The following SULF1 variants were observed in gnomAD, a reference collection of about 807,000 sequenced individuals.
SULF1 encodes the protein extracellular sulfatase Sulf-1.
A neutral mutation model predicts 110.5 loss-of-function variants in SULF1; 46 were observed. That is an observed-to-expected ratio of 0.42 (90% CI 0.33 to 0.53). The LOEUF is 0.53. Ranked by LOEUF, SULF1 falls within the 20% of genes least tolerant of loss-of-function variation. The pLI is 0.12. For synonymous variants in SULF1, 371 were observed against 387.1 expected (o/e 0.96, Z 0.49); for missense variants, 941 against 1,094.2 (o/e 0.86, Z 1.98).
chr8:69,637,470 A>G (rs1274644241), intron 19 of SULF1: 5 of 158,028 alleles, frequency 3.2e-5, no homozygotes. Flanking sequence ...CACCATTTCC[A>G]TAGTCTAAAA....
At chr8:69,651,930 G>C (rs1268635090) in intron 22 of SULF1, among the ~76,000 whole-genome samples, 1 of 151,950 alleles carries the variant, frequency 6.6e-6, no homozygotes, top group East Asian at 1.9e-4. Flanking sequence ...TGTTTCTAGG[G>C]GTCAGAAATT....
intron 3 of SULF1, among the ~76,000 whole-genome samples, chr8:69,509,937 A>T (rs573761844): frequency 6.6e-6 from 1 of 152,160 alleles, no homozygotes; most frequent in African/African-American, 2.4e-5. Context: ...AAATATTAAG[A>T]CAGAGTTTGT....
At chr8:69,584,735 G>A (rs1388690532) in intron 6 of SULF1, among the ~76,000 whole-genome samples, 1 of 152,144 alleles carries the variant, frequency 6.6e-6, no homozygotes, top group Non-Finnish European at 1.5e-5. Flanking sequence ...TAACTCATAG[G>A]ATTGATTGAG....
At chr8:69,552,280 A>C (rs1014485735) in intron 3 of SULF1, among the ~76,000 whole-genome samples, 1 of 152,190 alleles carries the variant, frequency 6.6e-6, no homozygotes, top group African/African-American at 2.4e-5. Flanking sequence ...TTCTGAAGTT[A>C]GGAGCCAAGT....
intron 8 of SULF1, among the ~76,000 whole-genome samples, chr8:69,595,872 A>T (rs1807272477): frequency 6.6e-6 from 1 of 152,222 alleles, no homozygotes; most frequent in South Asian, 2.1e-4. Context: ...TATACAACAC[A>T]TGCATCTCTT....
At chr8:69,532,017 G>A (rs79540743) in intron 3 of SULF1, among the ~76,000 whole-genome samples, 1 of 152,116 alleles carries the variant, frequency 6.6e-6, no homozygotes, top group African/African-American at 2.4e-5. Context: ...ACCTTTGATG[G>A]GATAATTTCT....
At chr8:69,498,281 T>C (rs1810520058) in intron 2 of SULF1, among the ~76,000 whole-genome samples, 1 of 152,320 alleles carries the variant, frequency 6.6e-6, no homozygotes, top group Non-Finnish European at 1.5e-5. Flanking sequence ...TTCAAGTTTG[T>C]GTGGCCAGCT....
intron 3 of SULF1, among the ~76,000 whole-genome samples, chr8:69,547,921 A>G (rs2150684979): frequency 6.6e-6 from 1 of 152,276 alleles, no homozygotes; most frequent in East Asian, 1.9e-4. Flanking sequence ...AAAATCTGTT[A>G]AATATGGAAA....
intron 22 of SULF1, among the ~76,000 whole-genome samples, chr8:69,645,318 G>T (rs932424637): frequency 2.6e-5 from 4 of 152,070 alleles, no homozygotes; most frequent in African/African-American, 4.8e-5. Flanking sequence ...TGTTTCTTGT[G>T]CCAGAGAAGA....
At chr8:69,587,444 A>T (rs1283163387) in intron 7 of SULF1, among the ~76,000 whole-genome samples, 2 of 152,196 alleles carry the variant, frequency 1.3e-5, no homozygotes, top group Non-Finnish European at 2.9e-5. Context: ...GGGAGATAAG[A>T]TTAAGTCCAG....
intron 3 of SULF1, among the ~76,000 whole-genome samples, chr8:69,509,699 T>C (rs1811428351): frequency 6.6e-6 from 1 of 152,224 alleles, no homozygotes; most frequent in Non-Finnish European, 1.5e-5. Flanking sequence ...CTGCTCACTG[T>C]CCATACGTGT....
At chr8:69,559,164 A>G (rs996837490) in intron 3 of SULF1, among the ~76,000 whole-genome samples, 1 of 152,232 alleles carries the variant, frequency 6.6e-6, no homozygotes, top group African/African-American at 2.4e-5. Flanking sequence ...TCAGATACTT[A>G]TAGATATTTT....
intron 3 of SULF1, among the ~76,000 whole-genome samples, chr8:69,521,683 C>G (rs1325380653): frequency 6.6e-6 from 1 of 152,032 alleles, no homozygotes; most frequent in Non-Finnish European, 1.5e-5. Context: ...TAACACATTA[C>G]CTGGAGGCCA....
chr8:69,598,894 G>A (rs1461871698), intron 8 of SULF1, among the ~76,000 whole-genome samples: 2 of 152,172 alleles, frequency 1.3e-5, no homozygotes, highest in African/African-American at 2.4e-5. Context: ...CTGCTACTGG[G>A]TAACCAGCAC....
chr8:69,621,554 A>T (rs190577866), intron 14 of SULF1, among the ~76,000 whole-genome samples: 2 of 152,254 alleles, frequency 1.3e-5, no homozygotes, highest in African/African-American at 4.8e-5. Flanking sequence ...GATATGGTTT[A>T]AGTCCATTTT....
At chr8:69,655,461 T>C (rs1812655765) in intron 22 of SULF1, among the ~76,000 whole-genome samples, 1 of 152,228 alleles carries the variant, frequency 6.6e-6, no homozygotes. Flanking sequence ...TTCTATATAT[T>C]TCTCATTGCA....
chr8:69,642,302 A>G, intron 22 of SULF1: 1 of 987,306 alleles, frequency 1.0e-6, no homozygotes, highest in Non-Finnish European at 1.2e-6. Flanking sequence ...TTTAGAGAGA[A>G]GGTCATTAGT....
At chr8:69,505,389 G>C (rs1037213258) in intron 3 of SULF1, among the ~76,000 whole-genome samples, 27 of 152,230 alleles carry the variant, frequency 1.8e-4, no homozygotes, top group Non-Finnish European at 3.5e-4. Context: ...ACAAGGTTTG[G>C]TGCGCACAGA....
At chr8:69,572,973 G>A (rs568824925) in intron 5 of SULF1, among the ~76,000 whole-genome samples, 3 of 152,242 alleles carry the variant, frequency 2.0e-5, no homozygotes, top group South Asian at 2.1e-4. Context: ...GTCTACAGGC[G>A]CATGCCATCA....
Sources: gnomAD v4.1 joint callset for allele counts (sites outside exome capture counted in the v4.1 genomes callset) on GRCh38, gnomAD v4.1.1 for gene constraint, MANE v1.5 for transcripts, NCBI Gene and HGNC (gene_info 2026-07-23, HGNC 2026-07-21) for gene names.